ACTR3C: variants seen among roughly 807,000 people sequenced by gnomAD.
ACTR3C encodes the protein actin related protein 3C, also known as actin-related protein 3C.
A neutral mutation model predicts 26.3 loss-of-function variants in ACTR3C; 18 were observed. The ratio of observed to expected loss-of-function variants is 0.68; its 90% confidence interval spans 0.47 to 1.01. The LOEUF is 1.01. ACTR3C is among the 50% of genes least tolerant of loss of function. ACTR3C has a pLI of 0.00. For missense variants in ACTR3C, 184 were observed against 250.7 expected, an observed-to-expected ratio of 0.73 and a Z score of 1.80; for synonymous variants, 55 against 94.5, an observed-to-expected ratio of 0.58 and a Z score of 2.42.
chr7:149,984,784 T>A, the ACTR3C span, among the ~76,000 whole-genome samples: 2 of 152,096 alleles, frequency 1.3e-5, no homozygotes, highest in Non-Finnish European at 2.9e-5. Flanking sequence ...CTTTCTCAGC[T>A]TCCTACCCTT....
chr7:150,004,293 T>C, the ACTR3C span: 2 of 151,716 alleles, frequency 1.3e-5, no homozygotes, highest in African/African-American at 2.4e-5. Context: ...AAGGTAAGAG[T>C]GGTGCTTGCC....
chr7:150,132,749 G>A, the ACTR3C span, among the ~76,000 whole-genome samples: 3 of 152,114 alleles, frequency 2.0e-5, no homozygotes, highest in African/African-American at 7.2e-5. Context: ...CCACTACTGG[G>A]TATATATCCA....
At chr7:150,040,547 CTCTCACCTGCCT>C in the ACTR3C span, 1 of 148,576 alleles carries the variant, frequency 6.7e-6, no homozygotes, top group Non-Finnish European at 1.5e-5. Context: ...CCTAAGAATT[CTCTCACCTGCCT>C]TCTGCCCTTA....
chr7:150,298,976 T>C (rs1446871704), intron 1 of ACTR3C, among the ~76,000 whole-genome samples: 1 of 34,130 alleles, frequency 2.9e-5, no homozygotes, highest in South Asian at 7.2e-4. Context: ...AATGAAAACT[T>C]TTTTTTTTTT....
chr7:149,959,870 A>G, the ACTR3C span, among the ~76,000 whole-genome samples: 3 of 152,300 alleles, frequency 2.0e-5, no homozygotes, highest in African/African-American at 7.2e-5. Context: ...GAGCGGACAT[A>G]CACTGTGGTA....
chr7:150,004,618 G>A, the ACTR3C span: 1 of 152,090 alleles, frequency 6.6e-6, no homozygotes, highest in African/African-American at 2.4e-5. Flanking sequence ...ACCTACGGTG[G>A]GAAAACCTTA....
At chr7:150,218,375 TA>T in the ACTR3C span, among the ~76,000 whole-genome samples, 1 of 152,260 alleles carries the variant, frequency 6.6e-6, no homozygotes, top group Admixed American at 6.5e-5. Flanking sequence ...AGGAACTGAA[TA>T]TTTTTTTTCC....
chr7:149,951,637 G>A, the ACTR3C span, among the ~76,000 whole-genome samples: 1 of 151,828 alleles, frequency 6.6e-6, no homozygotes, highest in South Asian at 2.1e-4. Context: ...CTCTCTAGCC[G>A]CCTCCTCTGT....
chr7:150,281,336 C>T (rs1189803021), intron 6 of ACTR3C, among the ~76,000 whole-genome samples: 2 of 151,330 alleles, frequency 1.3e-5, no homozygotes, highest in Non-Finnish European at 2.9e-5. Context: ...ACCTACTGAT[C>T]TGTGCACTTG....
At chr7:150,227,688 G>GT in the ACTR3C span, among the ~76,000 whole-genome samples, 959 of 110,770 alleles carry the variant, frequency 8.7e-3, 14 homozygotes, top group Non-Finnish European at 0.011. Context: ...TTGTGTCTGG[G>GT]TTTTTTTTTT....
the ACTR3C span, among the ~76,000 whole-genome samples, chr7:150,040,067 C>T: frequency 8.4e-4 from 118 of 139,984 alleles, 12 homozygotes; most frequent in Middle Eastern, 6.9e-3. Context: ...GGTGCCTCCC[C>T]CCACTGCGAT....
At chr7:150,096,336 C>G in the ACTR3C span, among the ~76,000 whole-genome samples, 3 of 151,224 alleles carry the variant, frequency 2.0e-5, no homozygotes, top group African/African-American at 7.4e-5. Context: ...GAAGTGATTA[C>G]TCAGTAAATG....
At chr7:149,992,953 C>T in the ACTR3C span, among the ~76,000 whole-genome samples, 1 of 152,114 alleles carries the variant, frequency 6.6e-6, no homozygotes, top group South Asian at 2.1e-4. Context: ...AAACCACTAG[C>T]ATAAGTGCCA....
chr7:150,180,565 T>A, the ACTR3C span, among the ~76,000 whole-genome samples: 1 of 141,194 alleles, frequency 7.1e-6, no homozygotes, highest in African/African-American at 2.9e-5. Context: ...CAGGCTGGAG[T>A]GCAGTGGCGC....
the ACTR3C span, among the ~76,000 whole-genome samples, chr7:150,029,411 A>AAC: frequency 6.1e-3 from 610 of 99,658 alleles, 9 homozygotes; most frequent in African/African-American, 0.027. Flanking sequence ...AACAAAAAAA[A>AAC]AAAAAACAAA....
At chr7:150,192,602 C>G in the ACTR3C span, among the ~76,000 whole-genome samples, 1 of 152,170 alleles carries the variant, frequency 6.6e-6, no homozygotes, top group African/African-American at 2.4e-5. Context: ...ATACCTGGCC[C>G]CTATTTATTC....
At chr7:149,912,963 T>A in the ACTR3C span, among the ~76,000 whole-genome samples, 1 of 152,222 alleles carries the variant, frequency 6.6e-6, no homozygotes, top group African/African-American at 2.4e-5. Context: ...ATTAATAGTA[T>A]CAAATACACT....
At chr7:149,924,059 C>G in the ACTR3C span, among the ~76,000 whole-genome samples, 1 of 150,904 alleles carries the variant, frequency 6.6e-6, no homozygotes, top group Non-Finnish European at 1.5e-5. Flanking sequence ...CATATAGACA[C>G]ATTAAACTCA....
chr7:150,294,590 A>G (rs961949077), intron 2 of ACTR3C, among the ~76,000 whole-genome samples: 4 of 152,358 alleles, frequency 2.6e-5, no homozygotes, highest in African/African-American at 7.2e-5. Flanking sequence ...GCTGATAGGC[A>G]CTGTGAATCA....
Sources: gnomAD v4.1 joint callset for allele counts (sites outside exome capture counted in the v4.1 genomes callset) on GRCh38, gnomAD v4.1.1 for gene constraint, MANE v1.5 for transcripts, NCBI Gene and HGNC (gene_info 2026-07-23, HGNC 2026-07-21) for gene names.